The following PLAC9 variants were observed in gnomAD, a reference collection of about 807,000 sequenced individuals.
PLAC9 encodes the protein placenta-specific protein 9.
A neutral mutation model predicts 11.5 loss-of-function variants in PLAC9; 12 were observed. The ratio of observed to expected loss-of-function variants is 1.05; its 90% CI spans 0.67 to 1.69. The LOEUF (loss-of-function observed/expected upper bound fraction) is 1.69. PLAC9 is among the 40% of genes most tolerant of loss of function. PLAC9 has a pLI of 0.00. For missense variants in PLAC9, 132 were observed against 130.5 expected (o/e 1.01, Z -0.06); for synonymous variants, 62 against 58.1 (o/e 1.07, Z -0.31).
chr10:80,136,040 C>G (rs1228693104), intron 1 of PLAC9, among the ~76,000 whole-genome samples: 2 of 152,150 alleles, frequency 1.3e-5, no homozygotes, highest in Non-Finnish European at 2.9e-5. Flanking sequence ...CTGTTTGGGT[C>G]CAGATACAAA....
intron 3 of PLAC9, 77 bp from the exon 4 acceptor site, chr10:80,144,823 G>A: frequency 7.0e-7 from 1 of 1,426,048 alleles, no homozygotes; most frequent in Non-Finnish European, 9.3e-7. Flanking sequence ...GGGAAGGGAA[G>A]GAACTGCTGG....
rs186877351 is a variant in PLAC9 at position 80,135,304 on chromosome 10, G to A, written c.64+2478G>A. 4.4e-3 allele frequency among the ~76,000 whole-genome samples: 642 copies of A among 144,722 alleles called. 2 individuals are homozygous for A. The highest frequency in any genetic ancestry group is 0.016 in the African/African-American group (613 of 39,204). The allele number at this position is 144,722 out of a possible 152,430, so 94.9% of individuals were successfully genotyped here. On this transcript the variant is annotated intron_variant, in intron 1 of 3. Transcript: ENST00000372263. ...CCCAAAGTGCTGGGATTACAGGTGT[G>A]AGCCACTGCGCCCGGCCTTTTTTTT...
rs1040627458 is a variant in PLAC9 at position 80,144,457 on chromosome 10, G to A, written c.283+114G>A. The A allele has an allele frequency of 5.8e-6, 8 of 1,369,174 alleles. No homozygotes were observed. In the African/African-American group the frequency reaches 5.9e-5, roughly 10 times the overall value. The allele number at this position is 1,369,174 out of a possible 1,614,324, so 84.8% of individuals were successfully genotyped here. On this transcript the variant is annotated intron_variant, in intron 3 of 3. Transcript: ENST00000372263. ...AGGTGTAGCCTGGCTGGCAGGGAGGGCCCCAGCGCTCCCTGGGGACGGAAG... is the reference window on the plus strand; with the variant it reads ...AGGTGTAGCCTGGCTGGCAGGGAGGACCCCAGCGCTCCCTGGGGACGGAAG...
At chr10:80,133,841 G>A (rs564338147) in intron 1 of PLAC9, among the ~76,000 whole-genome samples, 1 of 151,900 alleles carries the variant, frequency 6.6e-6, no homozygotes, top group South Asian at 2.1e-4. Context: ...CTACTCGGCA[G>A]GCTGAGGCAG....
chr10:80,144,768 C>A, intron 3 of PLAC9, 132 bp from the exon 4 acceptor site: 1 of 943,558 alleles, frequency 1.1e-6, no homozygotes, highest in Non-Finnish European at 1.5e-6. Context: ...CTGCTCTCTC[C>A]TTGATCCTTG....
chr10:80,133,110 T>C (rs1210780613), intron 1 of PLAC9, among the ~76,000 whole-genome samples: 1 of 151,544 alleles, frequency 6.6e-6, no homozygotes, highest in East Asian at 1.9e-4. Flanking sequence ...TGAACAGATA[T>C]GAACTAAGAT....
intron 2 of PLAC9, among the ~76,000 whole-genome samples, chr10:80,142,975 G>C (rs866032731): frequency 6.6e-6 from 1 of 152,054 alleles, no homozygotes; most frequent in Non-Finnish European, 1.5e-5. Context: ...TGCCCACCTC[G>C]GCCTCCCAAG....
intron 1 of PLAC9, among the ~76,000 whole-genome samples, 191 bp downstream of exon 1, chr10:80,133,017 G>A (rs2132331029): frequency 6.6e-6 from 1 of 152,306 alleles, no homozygotes; most frequent in Admixed American, 6.5e-5. Context: ...CAGAGAAGTA[G>A]AGCAACGGAG....
At chr10:80,138,378 C>T (rs1845002371) in intron 1 of PLAC9, among the ~76,000 whole-genome samples, 1 of 152,072 alleles carries the variant, frequency 6.6e-6, no homozygotes, top group South Asian at 2.1e-4. Flanking sequence ...AACCAAAGGG[C>T]CATTATAATG....
At position 80,139,328 on chromosome 10, in the gene PLAC9, C is replaced by T. The variant is rs184017797; in HGVS notation, c.65-2754C>T. On this transcript the variant is annotated intron_variant, in intron 1 of 3. Transcript: ENST00000372263. ...CAGTCTCTTCAGCCCCCATTTCTCCCAATTCATTGGCCCTCTTCTTGGCCT... is the reference window on the plus strand; with the variant it reads ...CAGTCTCTTCAGCCCCCATTTCTCCTAATTCATTGGCCCTCTTCTTGGCCT... Among the ~76,000 whole-genome samples the T allele has an allele frequency of 1.7e-3, 266 of 152,286 alleles. 2 individuals carry two copies. Among genetic ancestry groups the T allele is most frequent in the African/African-American group, 5.9e-3 (245 of 41,552 alleles).
intron 1 of PLAC9, among the ~76,000 whole-genome samples, chr10:80,140,005 G>A (rs889750789): frequency 3.3e-5 from 5 of 152,078 alleles, no homozygotes; most frequent in Non-Finnish European, 5.9e-5. Flanking sequence ...AGTAAATAGA[G>A]GCCATCAGGT....
rs1485859235 is a variant in PLAC9 at position 80,144,252 on chromosome 10, G to A, written c.192G>A (p.Gly64=). The change falls in exon 3 of 4, where the codon GGG becomes GGA. Residue 64 remains glycine, a synonymous_variant. Transcript: ENST00000372263. ...TAGAGAAGACCGTGGATCACCTGGG[G>A]ACAGAGGTGAAAGGCCTGCTGGGCC... The part of the protein sequence containing the change: ...EMVEKTVDHL[G]TEVKGLLGLL... 4 of 1,614,092 alleles carry A rather than the reference G, an allele frequency of 2.5e-6. No homozygotes were observed. Among genetic ancestry groups the A allele is most frequent in the Admixed American group, 1.7e-5 (1 of 60,018 alleles).
At chr10:80,144,785 G>T in intron 3 of PLAC9, 115 bp from the exon 4 acceptor site, 10 of 1,071,580 alleles carry the variant, frequency 9.3e-6, no homozygotes, top group Non-Finnish European at 1.0e-5. Flanking sequence ...CTTGTGTCCC[G>T]CGCGCAGTAG....
chr10:80,144,323 C>A lies in PLAC9; in HGVS notation c.263C>A (p.Pro88His), dbSNP rs755495385. ...AWNLPPGPFS[P>H]APDLLGDGF The stretch of plus-strand genomic sequence containing the variant: ...AACCTGCCCCCGGGACCCTTCAGCC[C>A]CGCTCCCGACCTTCTCGGAGGTGAG... The change falls in exon 3 of 4, where the codon CCC (proline) becomes CAC (histidine). Residue 88 changes from proline to histidine, a missense_variant. Pro to His is a moderately conservative substitution (Grantham distance 77, BLOSUM62 -2). Coordinates refer to ENST00000372263, the MANE Select transcript of PLAC9 (RefSeq NM_001012973.3). 1 of 1,608,494 alleles carries A rather than the reference C, an allele frequency of 6.2e-7. No individual in the cohort carries two copies. Among genetic ancestry groups the A allele is most frequent in the South Asian group, 1.1e-5 (1 of 90,940 alleles).
intron 1 of PLAC9, among the ~76,000 whole-genome samples, chr10:80,136,884 G>A (rs1171493040): frequency 6.6e-6 from 1 of 152,152 alleles, no homozygotes; most frequent in Non-Finnish European, 1.5e-5. Flanking sequence ...CTACACGGGG[G>A]AGTCAGGGCC....
chr10:80,144,232 A>C lies in PLAC9; in HGVS notation c.172A>C (p.Lys58Gln), dbSNP rs570575670. Reference sequence around the variant, plus strand: ...CCACTTCCCACTCTAGATGGTAGAGAAGACCGTGGATCACCTGGGGACAGA... The same window carrying C: ...CCACTTCCCACTCTAGATGGTAGAGCAGACCGTGGATCACCTGGGGACAGA... Reference protein sequence around the residue: ...RLDVMEEMVEKTVDHLGTEVK... With the variant: ...RLDVMEEMVEQTVDHLGTEVK... Residue 58 changes from lysine to glutamine, a missense_variant, in exon 3 of 4, where the codon AAG (lysine) becomes CAG (glutamine). By Grantham distance (53) the Lys-to-Gln change is moderately conservative. Transcript: ENST00000372263. 2 of 1,614,088 alleles carry C rather than the reference A, an allele frequency of 1.2e-6. No homozygotes were observed. The highest frequency in any genetic ancestry group is 2.7e-5 in the African/African-American group (2 of 75,018).
At chr10:80,137,406 T>C (rs1427014564) in intron 1 of PLAC9, among the ~76,000 whole-genome samples, 1 of 151,534 alleles carries the variant, frequency 6.6e-6, no homozygotes, top group East Asian at 1.9e-4. Context: ...CACGGGAGAG[T>C]GGCTAGGGTC....
intron 1 of PLAC9, among the ~76,000 whole-genome samples, chr10:80,139,830 C>A (rs1758452961): frequency 6.6e-6 from 1 of 151,962 alleles, no homozygotes; most frequent in Non-Finnish European, 1.5e-5. Flanking sequence ...CCTCAAGCGA[C>A]CCTCCCACTC....
At chr10:80,140,935 A>G (rs1339588424) in intron 1 of PLAC9, among the ~76,000 whole-genome samples, 3 of 152,106 alleles carry the variant, frequency 2.0e-5, no homozygotes, top group Admixed American at 2.0e-4. Context: ...TGGCCTCATG[A>G]GTCCTCTGCT....
Sources: gnomAD v4.1 joint callset for allele counts (sites outside exome capture counted in the v4.1 genomes callset) on GRCh38, gnomAD v4.1.1 for gene constraint, MANE v1.5 for transcripts, NCBI Gene and HGNC (gene_info 2026-07-23, HGNC 2026-07-21) for gene names.